CYFIP2: variants seen among roughly 807,000 people sequenced by gnomAD.
The protein encoded by CYFIP2 is cytoplasmic FMR1 interacting protein 2, also known as cytoplasmic FMR1-interacting protein 2.
CYFIP2 carries 29 observed loss-of-function variants against 158.7 expected under a neutral mutation model. The ratio of observed to expected loss-of-function variants is 0.18; its 90% CI spans 0.14 to 0.25. CYFIP2 has a LOEUF of 0.25. CYFIP2 is among the 10% of genes least tolerant of loss of function. The pLI, the probability that CYFIP2 is intolerant of heterozygous loss-of-function variation, is 1.00. For missense variants in CYFIP2, 852 were observed against 1,639.5 expected, an observed-to-expected ratio of 0.52 and a Z score of 8.29; for synonymous variants, 585 against 617.6, an observed-to-expected ratio of 0.95 and a Z score of 0.78.
At chr5:157,358,892 G>C in intron 23 of CYFIP2, 113 bp from the exon 24 acceptor site, 1 of 1,368,012 alleles carries the variant, frequency 7.3e-7, no homozygotes. Context: ...GCTCCAGTGA[G>C]CACGCTCGTA....
chr5:157,380,439 AG>A (rs1370490903), intron 26 of CYFIP2, among the ~76,000 whole-genome samples: 2 of 152,246 alleles, frequency 1.3e-5, no homozygotes, highest in Non-Finnish European at 2.9e-5. Context: ...AACAGCTTCC[AG>A]GTTAGAAGCA....
intron 23 of CYFIP2, among the ~76,000 whole-genome samples, chr5:157,356,087 AT>A (rs1444935473): frequency 6.6e-6 from 1 of 152,222 alleles, no homozygotes; most frequent in African/African-American, 2.4e-5. Context: ...TCAGCCTGCT[AT>A]AACAAGAATA....
At chr5:157,334,471 C>A (rs1232930894) in intron 21 of CYFIP2, among the ~76,000 whole-genome samples, 1 of 152,148 alleles carries the variant, frequency 6.6e-6, no homozygotes, top group East Asian at 1.9e-4. Context: ...AGGATACTTG[C>A]ATAGTCTCAA....
At chr5:157,281,142 G>C (rs571750951) in intron 1 of CYFIP2, among the ~76,000 whole-genome samples, 1 of 152,286 alleles carries the variant, frequency 6.6e-6, no homozygotes, top group Admixed American at 6.5e-5. Context: ...CTGGGGTGTA[G>C]CATGTTTTTC....
At chr5:157,296,565 G>A in intron 4 of CYFIP2, 108 bp from the exon 5 acceptor site, 1 of 1,021,374 alleles carries the variant, frequency 9.8e-7, no homozygotes, top group South Asian at 1.3e-5. Context: ...CTGCACTCTA[G>A]CCTGGACAAC....
chr5:157,375,527 C>T (rs1411311642), intron 26 of CYFIP2, among the ~76,000 whole-genome samples: 1 of 152,126 alleles, frequency 6.6e-6, no homozygotes, highest in African/African-American at 2.4e-5. Context: ...AGCTATGAGA[C>T]TCTGTTATAT....
At chr5:157,295,250 G>A (rs1758159809) in intron 4 of CYFIP2, among the ~76,000 whole-genome samples, 2 of 151,998 alleles carry the variant, frequency 1.3e-5, no homozygotes, top group Admixed American at 1.3e-4. Flanking sequence ...CTTTTTCCTG[G>A]CATGAATATT....
Position 157,361,279 on chromosome 5 carries a change from G to A in CYFIP2, c.2909-189G>A. The A allele has an allele frequency of 1.6e-6, 1 of 607,830 alleles. No individual in the cohort carries two copies. The highest frequency in any genetic ancestry group is 2.8e-6 in the Non-Finnish European group (1 of 352,064). 37.7% of individuals were successfully genotyped at this position (607,830 alleles called of 1,614,324 possible). The stretch of plus-strand genomic sequence containing the variant: ...TGTGTTCTGAAAAAGACATGAGCCA[G>A]CTACTCGAACTTTGTCCAGTACTGA... On this transcript the variant is annotated intron_variant, in intron 25 of 30. Coordinates refer to ENST00000620254, the MANE Select transcript of CYFIP2 (RefSeq NM_001037333.3). The surrounding 1 kb of genome is among the most constrained non-coding windows in gnomAD (Gnocchi z 4.4).
rs765421285 is a variant in CYFIP2 at position 157,304,385 on chromosome 5, C to T, written c.795+19C>T. Reference sequence around the variant, plus strand: ...CCTCAAGGTAAAACTCCCCTGAGGCCGCACCCATGGAGCCTGGGCTTACCC... The same window carrying T: ...CCTCAAGGTAAAACTCCCCTGAGGCTGCACCCATGGAGCCTGGGCTTACCC... On this transcript the variant is annotated intron_variant, in intron 8 of 30. Coordinates refer to ENST00000620254, the MANE Select transcript of CYFIP2 (RefSeq NM_001037333.3). The T allele has an allele frequency of 2.0e-5, 33 of 1,609,950 alleles. No homozygotes were observed. Among genetic ancestry groups the T allele is most frequent in the Admixed American group, 6.7e-5 (4 of 59,800 alleles).
intron 13 of CYFIP2, among the ~76,000 whole-genome samples, chr5:157,315,866 A>T (rs966257102): frequency 6.6e-6 from 1 of 152,200 alleles, no homozygotes; most frequent in Non-Finnish European, 1.5e-5. Context: ...GGGGTGGATC[A>T]GTTGAGGTCA....
chr5:157,314,553 T>G, intron 12 of CYFIP2, 90 bp downstream of exon 12: 1 of 1,492,164 alleles, frequency 6.7e-7, no homozygotes, highest in South Asian at 1.4e-5. Context: ...TTTTAACAGA[T>G]TTACGGAGTT....
intron 1 of CYFIP2, among the ~76,000 whole-genome samples, chr5:157,271,791 A>G (rs1756116122): frequency 6.6e-6 from 1 of 152,178 alleles, no homozygotes; most frequent in African/African-American, 2.4e-5. Flanking sequence ...GATGGAGCTG[A>G]GTTCCACGTG....
intron 28 of CYFIP2, chr5:157,384,437 A>C (rs1766442609): frequency 2.2e-6 from 1 of 456,724 alleles, no homozygotes; most frequent in African/African-American, 2.0e-5. Context: ...TTGAACTCGC[A>C]TTCCGGCGGT....
At chr5:157,384,287 T>G (rs772760329) in intron 28 of CYFIP2, 5 of 456,586 alleles carry the variant, frequency 1.1e-5, no homozygotes, top group Non-Finnish European at 2.2e-5. Context: ...AAAAGGCATG[T>G]GCTATCTCCT....
intron 10 of CYFIP2, chr5:157,310,937 G>A: frequency 4.4e-6 from 2 of 454,148 alleles, no homozygotes; most frequent in Non-Finnish European, 8.9e-6. Flanking sequence ...TGAAGGGAGT[G>A]GTCCTTTTTC....
At position 157,304,238 on chromosome 5, in the gene CYFIP2, T is replaced by G. The variant is rs767171110; in HGVS notation, c.667T>G (p.Cys223Gly). 6.2e-7 allele frequency: 1 copy of G among 1,612,254 alleles called. No individual in the cohort carries two copies. Among genetic ancestry groups the G allele is most frequent in the Non-Finnish European group, 8.5e-7 (1 of 1,179,614 alleles). The change falls in exon 8 of 31, where the codon TGT becomes GGT. Residue 223 changes from cysteine to glycine, a missense_variant and splice_region_variant. By Grantham distance (159) the Cys-to-Gly change is radical. This residue lies in a region of CYFIP2 where 123 missense variants were observed against 316.7 expected (regional missense o/e 0.39). Coordinates refer to ENST00000620254, the MANE Select transcript of CYFIP2 (RefSeq NM_001037333.3). ...FLANHNRITQ[C>G]LHQQLEVIPG... is the part of the protein sequence containing the mutation. ...ACCTGAGGGTGGCGCTGCTGTTCAGTGTCTCCACCAGCAACTTGAAGTGAT... is the reference window on the plus strand; with the variant it reads ...ACCTGAGGGTGGCGCTGCTGTTCAGGGTCTCCACCAGCAACTTGAAGTGAT...
chr5:157,363,264 C>G (rs1764010925), intron 26 of CYFIP2: 1 of 152,266 alleles, frequency 6.6e-6, no homozygotes, highest in Non-Finnish European at 1.5e-5. Context: ...GCCTCATTCT[C>G]AGAACCTAGT....
At chr5:157,369,888 T>TTC (rs1561774816) in intron 26 of CYFIP2, among the ~76,000 whole-genome samples, 1 of 149,178 alleles carries the variant, frequency 6.7e-6, no homozygotes, top group Non-Finnish European at 1.5e-5. Flanking sequence ...AGTTTTTTTT[T>TTC]TTTTTTTTTT....
chr5:157,392,164 T>C (rs1327390052), intron 30 of CYFIP2, among the ~76,000 whole-genome samples: 1 of 152,246 alleles, frequency 6.6e-6, no homozygotes, highest in African/African-American at 2.4e-5. Context: ...TTATCAGATA[T>C]AATTTGTGAT....
Sources: gnomAD v4.1 joint callset for allele counts (sites outside exome capture counted in the v4.1 genomes callset) on GRCh38, gnomAD v4.1.1 for gene constraint, gnomAD v4.1.1 regional missense constraint, Gnocchi (gnomAD v3.1) non-coding constraint, MANE v1.5 for transcripts, NCBI Gene and HGNC (gene_info 2026-07-23, HGNC 2026-07-21) for gene names.